The following IL20RA variants were observed in gnomAD, a reference collection of about 807,000 sequenced individuals.
IL20RA encodes the protein interleukin 20 receptor subunit alpha.
In IL20RA, 29 loss-of-function variants were observed where a neutral mutation model predicts 36.5. That is an observed-to-expected ratio of 0.79 (90% CI 0.59 to 1.08). The LOEUF (loss-of-function observed/expected upper bound fraction) is 1.08. Among genes scored for constraint, IL20RA ranks in the 50% least tolerant of loss-of-function variants. IL20RA has a pLI of 0.00. For missense variants in IL20RA, 652 were observed against 668.4 expected, an observed-to-expected ratio of 0.98 and a Z score of 0.27; for synonymous variants, 279 against 267.1, an observed-to-expected ratio of 1.04 and a Z score of -0.43.
rs3799482 is a variant in IL20RA, at chr6:137,006,264, G to A, written c.725-1504C>T. On this transcript the variant is annotated intron_variant, in intron 5 of 6. Transcript: ENST00000316649. ...AACAAGAGCCGGTGGGAAAAGTTCC[G>A]CATGCGGGCCTGTTACCCTGCACAA... 5.7e-3 allele frequency among the ~76,000 whole-genome samples: 869 copies of A among 152,252 alleles called. 46 individuals are homozygous for A. In the South Asian group the frequency reaches 0.14, roughly 25 times the overall value.
At chr6:137,012,492 T>C (rs1437525624) in intron 2 of IL20RA, among the ~76,000 whole-genome samples, 2 of 152,176 alleles carry the variant, frequency 1.3e-5, no homozygotes, top group Non-Finnish European at 2.9e-5. Context: ...TCACTTTTGA[T>C]GCCTTGAGCC....
At chr6:137,040,750 T>C (rs1037345837) in intron 1 of IL20RA, among the ~76,000 whole-genome samples, 3 of 152,160 alleles carry the variant, frequency 2.0e-5, no homozygotes, top group Non-Finnish European at 4.4e-5. Flanking sequence ...CCCTTCCTTG[T>C]AATAGAATTC....
At chr6:137,017,229 C>T in intron 1 of IL20RA, 126 bp from the exon 2 acceptor site, 1 of 675,532 alleles carries the variant, frequency 1.5e-6, no homozygotes, top group South Asian at 2.0e-5. Context: ...TATGTAACAT[C>T]TCTGAAATGG....
intron 1 of IL20RA, 57 bp downstream of exon 1, chr6:137,044,584 G>T (rs1470142431): frequency 1.6e-6 from 2 of 1,215,612 alleles, no homozygotes; most frequent in Non-Finnish European, 2.0e-6. Flanking sequence ...GCTCTGCCTG[G>T]CGGGGCCCCG....
chr6:137,008,863 AGCTT>A, intron 4 of IL20RA, 120 bp from the exon 5 acceptor site: 1 of 296,430 alleles, frequency 3.4e-6, no homozygotes, highest in Non-Finnish European at 5.6e-6. Flanking sequence ...TATCAGTATA[AGCTT>A]TTTTTTTTTT....
At chr6:137,025,211 A>G (rs958622429) in intron 1 of IL20RA, among the ~76,000 whole-genome samples, 9 of 152,148 alleles carry the variant, frequency 5.9e-5, no homozygotes, top group African/African-American at 1.7e-4. Flanking sequence ...CTAACACCCA[A>G]TGTATGGTGT....
chr6:137,025,250 A>C (rs1429319809), intron 1 of IL20RA, among the ~76,000 whole-genome samples: 1 of 152,156 alleles, frequency 6.6e-6, no homozygotes, highest in Non-Finnish European at 1.5e-5. Context: ...GGAAGTGATT[A>C]GGTCATAAGG....
chr6:137,029,566 T>C (rs1209394677), intron 1 of IL20RA, among the ~76,000 whole-genome samples: 1 of 152,228 alleles, frequency 6.6e-6, no homozygotes, highest in Non-Finnish European at 1.5e-5. Flanking sequence ...TCTTCACATG[T>C]TATAATCTCC....
intron 2 of IL20RA, among the ~76,000 whole-genome samples, chr6:137,013,238 T>G (rs181775857): frequency 2.6e-5 from 4 of 152,338 alleles, no homozygotes; most frequent in African/African-American, 9.6e-5. Flanking sequence ...ACTATTGCCA[T>G]TGCCTATGTG....
At chr6:137,031,492 G>A (rs996819009) in intron 1 of IL20RA, among the ~76,000 whole-genome samples, 6 of 152,206 alleles carry the variant, frequency 3.9e-5, no homozygotes, top group African/African-American at 1.2e-4. Flanking sequence ...TGTTACAAAT[G>A]CCTACAGTAT....
chr6:137,010,931 C>A (rs929723052), intron 3 of IL20RA, among the ~76,000 whole-genome samples: 2 of 151,978 alleles, frequency 1.3e-5, no homozygotes, highest in African/African-American at 4.8e-5. Flanking sequence ...TTGGTTAAAC[C>A]TTTCACTCTA....
At chr6:137,024,474 C>T (rs1285139810) in intron 1 of IL20RA, among the ~76,000 whole-genome samples, 1 of 152,188 alleles carries the variant, frequency 6.6e-6, no homozygotes, top group Non-Finnish European at 1.5e-5. Flanking sequence ...TTTGAGATTT[C>T]ACATCCCAAA....
intron 3 of IL20RA, among the ~76,000 whole-genome samples, chr6:137,010,262 T>C (rs149295469): frequency 1.5e-3 from 225 of 152,344 alleles, no homozygotes; most frequent in African/African-American, 5.0e-3. Flanking sequence ...TCGCAGGCCA[T>C]ATGATCTTTG....
chr6:137,024,024 G>A (rs1014334022), intron 1 of IL20RA, among the ~76,000 whole-genome samples: 3 of 152,202 alleles, frequency 2.0e-5, no homozygotes, highest in African/African-American at 4.8e-5. Context: ...AACCCAGGAG[G>A]TGGAGGTTGC....
Position 137,005,664 on chromosome 6 carries a change from G to GT in IL20RA, c.725-905dup, listed in dbSNP as rs111299390. Among the ~76,000 whole-genome samples, 227 of 151,972 alleles carry GT rather than the reference G, an allele frequency of 1.5e-3. 2 individuals are homozygous for GT. The highest frequency in any genetic ancestry group is 5.2e-3 in the African/African-American group (214 of 41,416). The stretch of plus-strand genomic sequence containing the variant: ...GAAGGTTTTTGTTGTTGTTGTTGTT[G>GT]TTTTTTTTAATGGGAGTCTAACATT... On this transcript the variant is annotated intron_variant, in intron 5 of 6. Transcript: ENST00000316649.
chr6:137,017,783 G>A (rs1775756241), intron 1 of IL20RA, among the ~76,000 whole-genome samples: 1 of 152,058 alleles, frequency 6.6e-6, no homozygotes, highest in Non-Finnish European at 1.5e-5. Context: ...ACACTGATAT[G>A]TTCACATAGG....
At chr6:137,035,689 G>C (rs892035224) in intron 1 of IL20RA, among the ~76,000 whole-genome samples, 2 of 152,110 alleles carry the variant, frequency 1.3e-5, no homozygotes, top group African/African-American at 4.8e-5. Context: ...TGGATGCATG[G>C]GGTATTGAGG....
intron 1 of IL20RA, among the ~76,000 whole-genome samples, chr6:137,038,686 C>T (rs1776575870): frequency 6.6e-6 from 1 of 152,000 alleles, no homozygotes; most frequent in African/African-American, 2.4e-5. Context: ...CGATTTTACT[C>T]CATAAAATAT....
At chr6:137,018,515 T>TGTGC (rs1775784429) in intron 1 of IL20RA, among the ~76,000 whole-genome samples, 1 of 136,366 alleles carries the variant, frequency 7.3e-6, no homozygotes, top group Admixed American at 7.0e-5. Context: ...GCCGTGTGCG[T>TGTGC]GTGTGTGTGT....
Sources: allele counts gnomAD v4.1 joint callset (sites outside exome capture counted in the v4.1 genomes callset), GRCh38; gene constraint gnomAD v4.1.1; transcripts MANE v1.5; gene names NCBI Gene and HGNC (gene_info 2026-07-23, HGNC 2026-07-21).